The following FRG1 variants were observed in gnomAD, a reference collection of about 807,000 sequenced individuals.
The protein encoded by FRG1 is FSHD region gene 1.
In FRG1, 19 loss-of-function variants were observed where a neutral mutation model predicts 37.0. That is an observed-to-expected ratio of 0.51 (90% CI 0.36 to 0.75). The LOEUF (loss-of-function observed/expected upper bound fraction) is 0.75. Among genes scored for constraint, FRG1 ranks in the 30% least tolerant of loss-of-function variants. The probability of loss-of-function intolerance (pLI) is 0.00; values close to 1 mark genes in which losing one functional copy is unlikely to be tolerated. For missense variants in FRG1, 243 were observed against 301.4 expected (o/e 0.81, Z 1.44); for synonymous variants, 73 against 96.5 (o/e 0.76, Z 1.43).
intron 8 of FRG1, among the ~76,000 whole-genome samples, chr4:189,962,372 G>C (rs1737273505): frequency 6.6e-6 from 1 of 152,086 alleles, no homozygotes; most frequent in Non-Finnish European, 1.5e-5. Context: ...AAGAGTGCAG[G>C]ATGTTTATCA....
At chr4:189,962,508 G>A (rs1737279443) in intron 8 of FRG1, among the ~76,000 whole-genome samples, 1 of 152,110 alleles carries the variant, frequency 6.6e-6, no homozygotes, top group South Asian at 2.1e-4. Flanking sequence ...GCCAGATTTT[G>A]ATAATCACCA....
At chr4:189,947,267 C>A (rs1357032555) in intron 2 of FRG1, among the ~76,000 whole-genome samples, 1 of 152,142 alleles carries the variant, frequency 6.6e-6, no homozygotes, top group Non-Finnish European at 1.5e-5. Flanking sequence ...AAATCTCCAG[C>A]GGTAATTCTA....
chr4:189,950,736 C>T (rs1736717421), intron 2 of FRG1, among the ~76,000 whole-genome samples: 1 of 152,100 alleles, frequency 6.6e-6, no homozygotes, highest in Non-Finnish European at 1.5e-5. Flanking sequence ...CCCCCATGTG[C>T]CCAGGCCCCA....
At chr4:189,941,771 T>C in intron 1 of FRG1, 1 of 335,664 alleles carries the variant, frequency 3.0e-6, no homozygotes, top group Non-Finnish European at 6.0e-6. Flanking sequence ...AATGGTAATT[T>C]ATTAGCTTTT....
At chr4:189,952,093 T>C in intron 2 of FRG1, 69 bp from the exon 3 acceptor site, 1 of 1,140,098 alleles carries the variant, frequency 8.8e-7, no homozygotes, top group South Asian at 1.6e-5. Flanking sequence ...AATTAAGTTA[T>C]AATAACAAAA....
chr4:189,945,386 A>G (rs57248668), intron 2 of FRG1, among the ~76,000 whole-genome samples: 13,626 of 152,238 alleles, frequency 0.09, 1,942 homozygotes, highest in African/African-American at 0.3. Flanking sequence ...CGTCTGTAGG[A>G]TCTGCAGAGA....
chr4:189,947,955 C>G (rs1299458101), intron 2 of FRG1, among the ~76,000 whole-genome samples: 1 of 152,176 alleles, frequency 6.6e-6, no homozygotes, highest in Non-Finnish European at 1.5e-5. Context: ...TTCCTGTTCT[C>G]AAATATCACA....
At chr4:189,947,250 T>C (rs1736570657) in intron 2 of FRG1, among the ~76,000 whole-genome samples, 1 of 152,360 alleles carries the variant, frequency 6.6e-6, no homozygotes, top group South Asian at 2.1e-4. Context: ...TATTGATAGT[T>C]ATGTTAAAAT....
chr4:189,953,828 T>G (rs1477784053), intron 4 of FRG1, among the ~76,000 whole-genome samples: 1 of 152,120 alleles, frequency 6.6e-6, no homozygotes, highest in Non-Finnish European at 1.5e-5. Flanking sequence ...ATAAGTATGG[T>G]GAAAGACAGA....
In FRG1 at chr4:189,955,108, A is replaced by G; in HGVS notation, c.389A>G (p.Asp130Gly). 6.2e-7 allele frequency: 1 copy of G among 1,613,566 alleles called. No individual in the cohort carries two copies. Among genetic ancestry groups the G allele is most frequent in the Non-Finnish European group, 8.5e-7 (1 of 1,179,544 alleles). The change falls in exon 5 of 9, where the codon GAT becomes GGT. Residue 130 changes from aspartate (D) to glycine (G), a missense_variant. Physicochemically the swap from Asp to Gly is moderately conservative, Grantham distance 94. Around this residue, in one of 2 missense-constraint regions of FRG1, gnomAD observed 133 missense variants for 199.3 expected, o/e 0.67. Coordinates refer to ENST00000226798, the MANE Select transcript of FRG1 (RefSeq NM_004477.3). ...GATGGACTTGTTGTTGGGCGTTCAGATGCAATTGGACCAAGAGAACAATGG... is the reference window on the plus strand; with the variant it reads ...GATGGACTTGTTGTTGGGCGTTCAGGTGCAATTGGACCAAGAGAACAATGG... ...NSDGLVVGRS[D>G]AIGPREQWEP... is the part of the protein sequence containing the mutation.
intron 1 of FRG1, 50 bp downstream of exon 1, chr4:189,941,121 C>T (rs754382830): frequency 3.9e-5 from 59 of 1,522,148 alleles, no homozygotes; most frequent in Admixed American, 6.7e-5. Context: ...TTCGGACGCA[C>T]TCCACCCCCG....
intron 2 of FRG1, among the ~76,000 whole-genome samples, chr4:189,944,393 G>A (rs1736442766): frequency 6.6e-6 from 1 of 151,968 alleles, no homozygotes; most frequent in African/African-American, 2.4e-5. Context: ...AGCCAGGATG[G>A]TCAGAAGCTT....
intron 2 of FRG1, among the ~76,000 whole-genome samples, chr4:189,948,651 A>G (rs938746948): frequency 6.6e-6 from 1 of 152,140 alleles, no homozygotes; most frequent in African/African-American, 2.4e-5. Context: ...GTGCCCTGGT[A>G]CTATCTTATC....
rs556446049 is a variant in FRG1, at chr4:189,944,877, C to T, written c.133+1605C>T. Among the ~76,000 whole-genome samples the T allele has an allele frequency of 7.2e-5, 11 of 152,226 alleles. No individual in the cohort carries two copies. In the South Asian group the frequency reaches 2.3e-3, roughly 32 times the overall value. On this transcript the variant is annotated intron_variant, in intron 2 of 8. Coordinates refer to ENST00000226798, the MANE Select transcript of FRG1 (RefSeq NM_004477.3). ...TTAACTGTTAATTTATTAATTTCTG[C>T]AGTGAAGTTTGTTGGATTTTCTCGA...
rs773888963 is a variant in FRG1 at position 189,955,175 on chromosome 4, A to G, written c.432+24A>G. On this transcript the variant is annotated intron_variant, in intron 5 of 8. Coordinates refer to ENST00000226798, the MANE Select transcript of FRG1 (RefSeq NM_004477.3). ...ATGTAAGTGCTGTTATTGTTTATAA[A>G]AACTTCCTGTCAGTTTAACAGAAAG... 2.1e-6 allele frequency: 3 copies of G among 1,407,698 alleles called. No individual in the cohort carries two copies. In the Admixed American group the frequency reaches 5.1e-5, roughly 24 times the overall value. The allele number at this position is 1,407,698 out of a possible 1,614,324, so 87.2% of individuals were successfully genotyped here.
chr4:189,945,377 G>A (rs1162547777), intron 2 of FRG1, among the ~76,000 whole-genome samples: 2 of 152,192 alleles, frequency 1.3e-5, no homozygotes, highest in Non-Finnish European at 2.9e-5. Flanking sequence ...ATGGTATGAC[G>A]TCTGTAGGAT....
At chr4:189,958,138 C>A (rs7669482) in intron 6 of FRG1, among the ~76,000 whole-genome samples, 6,027 of 149,894 alleles carry the variant, frequency 0.04, 392 homozygotes, top group African/African-American at 0.14. Context: ...CTCTCTTTCT[C>A]TCTCTCTCAA....
chr4:189,946,311 C>CAAAAAAAAA (rs34356772), intron 2 of FRG1, among the ~76,000 whole-genome samples: 1 of 105,650 alleles, frequency 9.5e-6, no homozygotes. Flanking sequence ...GCTGATAAGC[C>CAAAAAAAAA]AAAAAAAAAA....
chr4:189,948,700 G>GT (rs1037948368), intron 2 of FRG1, among the ~76,000 whole-genome samples: 127 of 52,840 alleles, frequency 2.4e-3, no homozygotes, highest in African/African-American at 7.9e-3. Flanking sequence ...TTTTTGTTTT[G>GT]TTTTTTTTGA....
Sources: allele counts gnomAD v4.1 joint callset (sites outside exome capture counted in the v4.1 genomes callset), GRCh38; gene constraint gnomAD v4.1.1; regional missense constraint gnomAD v4.1.1; transcripts MANE v1.5; gene names NCBI Gene and HGNC (gene_info 2026-07-23, HGNC 2026-07-21).